CREB5: variants seen among roughly 807,000 people sequenced by gnomAD.
CREB5 encodes the protein cyclic AMP-responsive element-binding protein 5.
CREB5 carries 19 observed loss-of-function variants against 57.1 expected under a neutral mutation model. The observed-to-expected ratio is 0.33, with a 90% CI of 0.23 to 0.49. The LOEUF (loss-of-function observed/expected upper bound fraction) is 0.49, where lower values mean the gene tolerates loss of function less well. CREB5 is among the 20% of genes least tolerant of loss of function. CREB5 has a pLI of 0.99. For missense variants in CREB5, 579 were observed against 671.6 expected (o/e 0.86, Z 1.52); for synonymous variants, 238 against 238.3 (o/e 1.00, Z 0.01).
chr7:28,724,584 A>G, intron 7 of CREB5: 1 of 445,752 alleles, frequency 2.2e-6, no homozygotes, highest in Non-Finnish European at 4.1e-6. Context: ...TGGTAGATCC[A>G]TACAAGTTGG....
At chr7:28,683,475 T>C (rs1363349048) in intron 5 of CREB5, among the ~76,000 whole-genome samples, 1 of 152,198 alleles carries the variant, frequency 6.6e-6, no homozygotes, top group East Asian at 1.9e-4. Context: ...TTTATTGGGA[T>C]GTCGAAGTGT....
At chr7:28,395,484 C>T (rs1050499981) in intron 1 of CREB5, among the ~76,000 whole-genome samples, 1 of 152,164 alleles carries the variant, frequency 6.6e-6, no homozygotes, top group African/African-American at 2.4e-5. Flanking sequence ...CACGATACAG[C>T]CTTAGTGCAT....
intron 1 of CREB5, among the ~76,000 whole-genome samples, chr7:28,322,597 GC>G (rs1450171038): frequency 7.7e-6 from 1 of 129,890 alleles, no homozygotes; most frequent in Non-Finnish European, 1.6e-5. Flanking sequence ...CCCTCCCCCA[GC>G]CCCCCACTCC....
At chr7:28,586,765 C>G (rs1204573542) in intron 5 of CREB5, among the ~76,000 whole-genome samples, 2 of 152,292 alleles carry the variant, frequency 1.3e-5, no homozygotes, top group Non-Finnish European at 1.5e-5. Flanking sequence ...AAGCAAACTC[C>G]AGTAATAATC....
intron 7 of CREB5, among the ~76,000 whole-genome samples, chr7:28,744,386 T>C (rs1015637284): frequency 3.5e-5 from 5 of 141,586 alleles, no homozygotes; most frequent in African/African-American, 1.3e-4. Flanking sequence ...TCTTGCTTTG[T>C]TACCAGGCTG....
At chr7:28,734,566 C>G (rs1803865747) in intron 7 of CREB5, among the ~76,000 whole-genome samples, 1 of 151,968 alleles carries the variant, frequency 6.6e-6, no homozygotes, top group Non-Finnish European at 1.5e-5. Flanking sequence ...TGAATTTTCT[C>G]TGCTAGAAAT....
chr7:28,394,923 C>A (rs981139804), intron 1 of CREB5, among the ~76,000 whole-genome samples: 1 of 152,156 alleles, frequency 6.6e-6, no homozygotes, highest in Non-Finnish European at 1.5e-5. Flanking sequence ...GCTTTTAGAA[C>A]TTCTTTGAAT....
intron 6 of CREB5, among the ~76,000 whole-genome samples, chr7:28,722,042 G>C (rs1803059635): frequency 6.6e-6 from 1 of 152,158 alleles, no homozygotes; most frequent in Non-Finnish European, 1.5e-5. Context: ...AGCCTTATTA[G>C]TCCAAAGCAC....
chr7:28,528,332 A>T (rs1793536989), intron 4 of CREB5, among the ~76,000 whole-genome samples: 1 of 152,240 alleles, frequency 6.6e-6, no homozygotes, highest in Admixed American at 6.5e-5. Flanking sequence ...TAGTGTTTGA[A>T]GATGCTGTGA....
chr7:28,387,072 T>C (rs1353052904), intron 1 of CREB5, among the ~76,000 whole-genome samples: 2 of 152,228 alleles, frequency 1.3e-5, no homozygotes, highest in African/African-American at 2.4e-5. Flanking sequence ...GAATGATTTA[T>C]ATTCCTTTGG....
intron 5 of CREB5, among the ~76,000 whole-genome samples, chr7:28,606,657 T>G (rs1178011539): frequency 1.3e-5 from 2 of 152,206 alleles, no homozygotes; most frequent in African/African-American, 4.8e-5. Flanking sequence ...CCTCTTTTCT[T>G]TTTAATTGGC....
chr7:28,482,272 G>A lies in CREB5; in HGVS notation c.4-5903G>A, dbSNP rs937655160. Among the ~76,000 whole-genome samples the A allele has an allele frequency of 2.6e-5, 4 of 152,322 alleles. No homozygotes were observed. The East Asian group carries it at 7.7e-4, about 29-fold the overall frequency. Reference sequence around the variant, plus strand: ...ACCTACCTGCATCCTTGCTTTGAAAGTAGAACCAGGCATCTTTGAAGAAAA... The same window carrying A: ...ACCTACCTGCATCCTTGCTTTGAAAATAGAACCAGGCATCTTTGAAGAAAA... On this transcript the variant is annotated intron_variant, in intron 1 of 10. Coordinates refer to ENST00000357727, the MANE Select transcript of CREB5 (RefSeq NM_182898.4).
At chr7:28,661,392 C>T (rs1452461485) in intron 5 of CREB5, among the ~76,000 whole-genome samples, 2 of 152,066 alleles carry the variant, frequency 1.3e-5, no homozygotes, top group African/African-American at 4.8e-5. Context: ...AAGATTTTCC[C>T]ATAAATATTC....
chr7:28,420,020 C>T (rs1244057496), intron 1 of CREB5, among the ~76,000 whole-genome samples: 3 of 152,180 alleles, frequency 2.0e-5, no homozygotes, highest in East Asian at 1.9e-4. Flanking sequence ...TGCTGATCTC[C>T]AAACCATTCA....
At chr7:28,461,548 A>G (rs991625683) in intron 1 of CREB5, among the ~76,000 whole-genome samples, 3 of 152,118 alleles carry the variant, frequency 2.0e-5, no homozygotes, top group South Asian at 2.1e-4. Context: ...TGGAGTCTAT[A>G]TATTAGGGTG....
chr7:28,550,247 A>C (rs1033134187), intron 4 of CREB5, among the ~76,000 whole-genome samples: 3 of 149,424 alleles, frequency 2.0e-5, no homozygotes, highest in Non-Finnish European at 3.0e-5. Flanking sequence ...TGTTCTTCTT[A>C]TTAACGTTTT....
intron 3 of CREB5, 116 bp from the exon 4 acceptor site, chr7:28,507,500 T>C (rs1792527348): frequency 4.1e-6 from 5 of 1,210,222 alleles, no homozygotes; most frequent in Admixed American, 4.8e-5. Context: ...AGAGACTGGA[T>C]GGCTAGTGGA....
intron 5 of CREB5, among the ~76,000 whole-genome samples, chr7:28,666,364 A>T (rs10225673): frequency 0.26 from 39,401 of 151,808 alleles, 5,178 homozygotes; most frequent in Middle Eastern, 0.36. Context: ...GTTGGGCTAG[A>T]TCCCTGTTCT....
chr7:28,564,814 G>A (rs1303114633), intron 4 of CREB5, among the ~76,000 whole-genome samples: 1 of 152,136 alleles, frequency 6.6e-6, no homozygotes, highest in South Asian at 2.1e-4. Flanking sequence ...ATTTTTGGGA[G>A]GCTCACTTCT....
Sources: gnomAD v4.1 joint callset for allele counts (sites outside exome capture counted in the v4.1 genomes callset) on GRCh38, gnomAD v4.1.1 for gene constraint, MANE v1.5 for transcripts, NCBI Gene and HGNC (gene_info 2026-07-23, HGNC 2026-07-21) for gene names.